The following GPHN variants were observed in gnomAD, a reference collection of about 807,000 sequenced individuals.
GPHN encodes the protein gephyrin.
GPHN carries 17 observed loss-of-function variants against 95.5 expected under a neutral mutation model. The ratio of observed to expected loss-of-function variants is 0.18; its 90% confidence interval spans 0.12 to 0.27. The LOEUF is 0.27. GPHN is among the 10% of genes least tolerant of loss of function. The pLI, the probability that GPHN is intolerant of heterozygous loss-of-function variation, is 1.00. For missense variants in GPHN, 660 were observed against 978.1 expected (o/e 0.67, Z 4.34); for synonymous variants, 320 against 322.5 (o/e 0.99, Z 0.08).
At chr14:66,724,867 T>C (rs1595698913) in intron 2 of GPHN, among the ~76,000 whole-genome samples, 1 of 152,230 alleles carries the variant, frequency 6.6e-6, no homozygotes, top group East Asian at 1.9e-4. Flanking sequence ...ACCCTGAACG[T>C]AGAGAAAAAG....
chr14:67,651,031 C>A, the GPHN span: 1 of 1,126,266 alleles, frequency 8.9e-7, no homozygotes. Flanking sequence ...TTAATGAGAA[C>A]ATTTACACAT....
chr14:67,036,501 GCACACACACACACACACACA>G (rs762967467), intron 10 of GPHN, among the ~76,000 whole-genome samples: 2 of 118,148 alleles, frequency 1.7e-5, no homozygotes, highest in Admixed American at 8.6e-5. Flanking sequence ...ATACATACAT[GCACACACACACACACACACA>G]CACACACACA....
the GPHN span, among the ~76,000 whole-genome samples, chr14:67,303,763 G>A: frequency 6.6e-6 from 1 of 152,002 alleles, no homozygotes; most frequent in African/African-American, 2.4e-5. Flanking sequence ...AGTAAACTCT[G>A]CACCTTTTTT....
chr14:67,112,068 T>G (rs2153686372), intron 15 of GPHN, 149 bp downstream of exon 15: 1 of 709,564 alleles, frequency 1.4e-6, no homozygotes, highest in East Asian at 2.7e-5. Context: ...ATGTTATGAA[T>G]TCTGTATCAC....
chr14:67,052,797 C>G (rs771863175), intron 10 of GPHN, among the ~76,000 whole-genome samples: 4 of 152,142 alleles, frequency 2.6e-5, no homozygotes, highest in Non-Finnish European at 4.4e-5. Flanking sequence ...GAAACTCACT[C>G]AAAACCACAC....
intron 2 of GPHN, among the ~76,000 whole-genome samples, chr14:66,683,515 G>C (rs972123162): frequency 7.9e-6 from 1 of 127,280 alleles, no homozygotes; most frequent in African/African-American, 3.1e-5. Context: ...TTGTAGGTGA[G>C]TATTTTTTTT....
intron 1 of GPHN, among the ~76,000 whole-genome samples, chr14:66,657,294 T>A (rs1028964853): frequency 1.2e-4 from 19 of 152,186 alleles, no homozygotes; most frequent in Non-Finnish European, 2.9e-5. Context: ...AGAGGTTGCT[T>A]CCTGAGGTTT....
chr14:67,667,028 C>T, the GPHN span, among the ~76,000 whole-genome samples: 3 of 152,204 alleles, frequency 2.0e-5, no homozygotes, highest in Non-Finnish European at 4.4e-5. Context: ...GAATGAACCA[C>T]TTCAAATACC....
chr14:67,242,740 A>G, the GPHN span, among the ~76,000 whole-genome samples: 2 of 152,202 alleles, frequency 1.3e-5, no homozygotes, highest in African/African-American at 4.8e-5. Flanking sequence ...TTTATAGATA[A>G]AACAGGCAAA....
the GPHN span, chr14:67,576,527 G>A: frequency 5.1e-6 from 6 of 1,180,090 alleles, no homozygotes; most frequent in Non-Finnish European, 7.6e-6. The surrounding 1 kb of genome is among the most constrained non-coding windows in gnomAD (Gnocchi z 4.0). Context: ...GGCCACCACT[G>A]CTTGGGTTGG....
In GPHN at chr14:67,143,430, G is replaced by T. The variant is rs777861765; in HGVS notation, c.1817G>T (p.Gly606Val). The T allele has an allele frequency of 1.3e-6, 2 of 1,598,834 alleles. No homozygotes were observed. Among genetic ancestry groups the T allele is most frequent in the South Asian group, 1.1e-5 (1 of 90,792 alleles). ...GCTGATGTCATCATCACATCAGGGG[G>T]TGTATCCATGGGGGAAAAGGTATGA... Reference protein sequence around the residue: ...SRADVIITSGGVSMGEKDYLK... With the variant: ...SRADVIITSGVVSMGEKDYLK... Residue 606 changes from glycine (G) to valine (V), a missense_variant, in exon 18 of 23, where the codon GGT becomes GTT. Gly to Val is a moderately radical substitution (Grantham distance 109). Around this residue, in one of 6 missense-constraint regions of GPHN, gnomAD observed 257 missense variants for 376.2 expected, o/e 0.68. Coordinates refer to ENST00000478722, the MANE Select transcript of GPHN (RefSeq NM_020806.5).
chr14:67,206,614 A>G, the GPHN span, among the ~76,000 whole-genome samples: 3 of 152,240 alleles, frequency 2.0e-5, no homozygotes, highest in Admixed American at 6.5e-5. Context: ...TGAAAAAGGT[A>G]GGAGACAGAA....
intron 1 of GPHN, among the ~76,000 whole-genome samples, chr14:66,662,330 C>G (rs916859647): frequency 6.6e-6 from 1 of 152,158 alleles, no homozygotes; most frequent in African/African-American, 2.4e-5. Flanking sequence ...AGGCTGCCAT[C>G]TTTGCAGTTT....
chr14:67,653,329 C>A, the GPHN span: 2 of 851,364 alleles, frequency 2.3e-6, no homozygotes, highest in African/African-American at 1.7e-5. Flanking sequence ...AGGGACTATG[C>A]GTCAACTGCT....
the GPHN span, chr14:67,395,390 TG>T: frequency 6.2e-7 from 1 of 1,612,052 alleles, no homozygotes; most frequent in Non-Finnish European, 8.5e-7. Context: ...GCCCGGCAAG[TG>T]GGGCACTCAC....
chr14:67,561,773 G>T, the GPHN span, among the ~76,000 whole-genome samples: 127 of 152,020 alleles, frequency 8.4e-4, 1 homozygote, highest in Middle Eastern at 6.8e-3. Flanking sequence ...AGGAGGCTGA[G>T]GTGGGAGGAT....
rs2071977014 is a variant in GPHN, at chr14:66,733,396, A to G, written c.144-43068A>G. ...ATACAGACACCTAGCATTTCTTATT[A>G]GAATTCATAATATTTATTCCTTCCC... On this transcript the variant is annotated intron_variant, in intron 2 of 22. Transcript: ENST00000478722. Among the ~76,000 whole-genome samples the G allele has an allele frequency of 2.0e-5, 3 of 151,980 alleles. No individual in the cohort carries two copies. The South Asian group carries it at 6.2e-4, about 32-fold the overall frequency.
At chr14:66,983,660 C>A (rs1567179336) in intron 9 of GPHN, among the ~76,000 whole-genome samples, 1 of 152,172 alleles carries the variant, frequency 6.6e-6, no homozygotes, top group Non-Finnish European at 1.5e-5. Flanking sequence ...CTCCCAAAGT[C>A]TCTATATAAA....
At chr14:66,863,424 C>T (rs2063109314) in intron 4 of GPHN, among the ~76,000 whole-genome samples, 1 of 152,052 alleles carries the variant, frequency 6.6e-6, no homozygotes, top group Admixed American at 6.6e-5. Flanking sequence ...AATGCAATCC[C>T]TATCAAAACA....
Sources: gnomAD v4.1 joint callset for allele counts (sites outside exome capture counted in the v4.1 genomes callset) on GRCh38, gnomAD v4.1.1 for gene constraint, gnomAD v4.1.1 regional missense constraint, Gnocchi (gnomAD v3.1) non-coding constraint, MANE v1.5 for transcripts, NCBI Gene and HGNC (gene_info 2026-07-23, HGNC 2026-07-21) for gene names.